Variants in CRADD observed in about 807,000 individuals in gnomAD.
The protein encoded by CRADD is death domain-containing protein CRADD.
Under a neutral mutation model 15.5 loss-of-function variants are expected in CRADD, and 9 were observed. The observed-to-expected ratio is 0.58, with a 90% CI of 0.35 to 1.01. The LOEUF (loss-of-function observed/expected upper bound fraction) is 1.01, where lower values mean the gene tolerates loss of function less well. CRADD is among the 50% of genes least tolerant of loss of function. The pLI is 0.02. For synonymous variants in CRADD, 118 were observed against 107.6 expected (o/e 1.10, Z -0.60); for missense variants, 227 against 250.3 (o/e 0.91, Z 0.63).
At chr12:93,879,707 A>T (rs1958481644) in intron 2 of CRADD, among the ~76,000 whole-genome samples, 1 of 152,154 alleles carries the variant, frequency 6.6e-6, no homozygotes, top group African/African-American at 2.4e-5. Context: ...AACTGGAGCA[A>T]TGCTCTACTT....
intron 2 of CRADD, among the ~76,000 whole-genome samples, chr12:93,875,057 T>C (rs1163384488): frequency 6.6e-6 from 1 of 152,104 alleles, no homozygotes; most frequent in African/African-American, 2.4e-5. Context: ...GATCTATCTC[T>C]CCCTTCAGCT....
intron 2 of CRADD, among the ~76,000 whole-genome samples, chr12:93,856,102 G>C (rs535504004): frequency 6.6e-6 from 1 of 152,188 alleles, no homozygotes; most frequent in Non-Finnish European, 1.5e-5. Flanking sequence ...CACTGCGCCC[G>C]GCCCAGTTTT....
chr12:93,682,071 T>A (rs1955321929), intron 2 of CRADD, among the ~76,000 whole-genome samples: 1 of 152,188 alleles, frequency 6.6e-6, no homozygotes, highest in Non-Finnish European at 1.5e-5. Context: ...AAAATTAAAT[T>A]GGGATTTACT....
intron 2 of CRADD, among the ~76,000 whole-genome samples, chr12:93,687,888 C>T (rs1955474734): frequency 6.6e-6 from 1 of 152,212 alleles, no homozygotes; most frequent in African/African-American, 2.4e-5. Flanking sequence ...AGGCTACACA[C>T]ATGAGGCAAC....
chr12:93,820,866 G>C (rs561762204), intron 2 of CRADD, among the ~76,000 whole-genome samples: 31 of 152,282 alleles, frequency 2.0e-4, no homozygotes, highest in Middle Eastern at 3.4e-3. Flanking sequence ...CCTGTCACCT[G>C]CAGTCCCACG....
At chr12:93,702,969 G>A (rs1184492933) in intron 2 of CRADD, among the ~76,000 whole-genome samples, 2 of 152,046 alleles carry the variant, frequency 1.3e-5, no homozygotes, top group Non-Finnish European at 2.9e-5. Context: ...ATGTTGTTTT[G>A]TTCAATCCAG....
intron 2 of CRADD, chr12:93,815,360 A>G (rs1016085657): frequency 2.0e-5 from 3 of 152,162 alleles, no homozygotes; most frequent in Non-Finnish European, 4.4e-5. Context: ...CAACACACCT[A>G]TATCTGTCTG....
chr12:93,798,189 C>A lies in CRADD; in HGVS notation c.299-51781C>A, dbSNP rs114342876. On this transcript the variant is annotated intron_variant, in intron 2 of 2. Coordinates refer to ENST00000332896, the MANE Select transcript of CRADD (RefSeq NM_003805.5). The stretch of plus-strand genomic sequence containing the variant: ...TTTATAATTCGTGGGATGACTTTTT[C>A]TTTTTTCCCAGGAAATGATACCTTT... Among the ~76,000 whole-genome samples, 371 of 123,504 alleles carry A rather than the reference C, an allele frequency of 3.0e-3. 1 individual carries two copies. Among genetic ancestry groups the A allele is most frequent in the African/African-American group, 0.011 (349 of 32,508 alleles). The allele number at this position is 123,504 out of a possible 152,430, so 81.0% of individuals were successfully genotyped here.
At chr12:93,794,962 G>A (rs770546716) in intron 2 of CRADD, among the ~76,000 whole-genome samples, 199 of 152,098 alleles carry the variant, frequency 1.3e-3, no homozygotes, top group Admixed American at 3.3e-3. Flanking sequence ...CCTAGGTTTC[G>A]TCTTAAGTCA....
At chr12:93,689,895 T>TAA (rs1021288683) in intron 2 of CRADD, among the ~76,000 whole-genome samples, 2 of 152,182 alleles carry the variant, frequency 1.3e-5, no homozygotes, top group African/African-American at 4.8e-5. Flanking sequence ...TATAGAAGGT[T>TAA]AGAGTTGGAA....
intron 2 of CRADD, among the ~76,000 whole-genome samples, chr12:93,780,654 T>C (rs751237208): frequency 4.6e-4 from 70 of 152,322 alleles, no homozygotes; most frequent in Non-Finnish European, 8.2e-4. Flanking sequence ...GTAGATGTTA[T>C]TGAAGAGCCA....
At chr12:93,763,706 G>T (rs1018247133) in intron 2 of CRADD, among the ~76,000 whole-genome samples, 1 of 151,642 alleles carries the variant, frequency 6.6e-6, no homozygotes, top group Non-Finnish European at 1.5e-5. Flanking sequence ...CTTGCTTTTT[G>T]CAGAGGCAAC....
At chr12:93,764,733 G>GT (rs3030258) in intron 2 of CRADD, among the ~76,000 whole-genome samples, 298 of 147,128 alleles carry the variant, frequency 2.0e-3, no homozygotes, top group African/African-American at 5.3e-3. Context: ...CATATTTTTG[G>GT]TTTTTTTTTT....
At chr12:93,757,085 C>T (rs758449726) in intron 2 of CRADD, among the ~76,000 whole-genome samples, 3 of 152,182 alleles carry the variant, frequency 2.0e-5, no homozygotes, top group Non-Finnish European at 4.4e-5. Context: ...ACTATCCAAC[C>T]ACTTTTGTTG....
At chr12:93,840,047 G>A (rs1409347606) in intron 2 of CRADD, among the ~76,000 whole-genome samples, 16 of 152,170 alleles carry the variant, frequency 1.1e-4, no homozygotes. Context: ...ATCCACCACT[G>A]TTCATGGTGT....
At chr12:93,854,546 G>C (rs552494101), downstream of CRADD, among the ~76,000 whole-genome samples, 2 of 152,274 alleles carry the variant, frequency 1.3e-5, no homozygotes, top group South Asian at 4.2e-4. Flanking sequence ...GAATAATTTG[G>C]GTCCGTTTCG....
rs1383940202 is a variant in CRADD, at chr12:93,849,960, TC to T, written c.299-8del. The T allele has an allele frequency of 1.3e-6, 2 of 1,556,164 alleles. No individual in the cohort carries two copies. The highest frequency in any genetic ancestry group is 2.2e-5 in the South Asian group (2 of 89,802). ...TGCTCATTTCACCGGGGTGTCTTTTTCCTCCTCAGGTGACAGATTGACTGGG... is the reference window on the plus strand; with the variant it reads ...TGCTCATTTCACCGGGGTGTCTTTTTCTCCTCAGGTGACAGATTGACTGGG... On this transcript the variant is annotated splice_polypyrimidine_tract_variant and intron_variant, in intron 2 of 2. Transcript: ENST00000332896.
chr12:93,807,031 C>T (rs1211733631), intron 2 of CRADD, among the ~76,000 whole-genome samples: 2 of 152,108 alleles, frequency 1.3e-5, no homozygotes, highest in East Asian at 1.9e-4. Flanking sequence ...GCTAAGGCTT[C>T]CCCCAACCAG....
intron 2 of CRADD, among the ~76,000 whole-genome samples, chr12:93,767,138 C>T (rs1050388551): frequency 6.6e-6 from 1 of 152,228 alleles, no homozygotes; most frequent in African/African-American, 2.4e-5. Context: ...CACAAAGGAT[C>T]TGGTTTCTGC....
Sources: allele counts gnomAD v4.1 joint callset (sites outside exome capture counted in the v4.1 genomes callset), GRCh38; gene constraint gnomAD v4.1.1; transcripts MANE v1.5; gene names NCBI Gene and HGNC (gene_info 2026-07-23, HGNC 2026-07-21).